The following AP3B1 variants were observed in gnomAD, a reference collection of about 807,000 sequenced individuals.
The protein encoded by AP3B1 is AP-3 complex subunit beta-1.
A neutral mutation model predicts 132.5 loss-of-function variants in AP3B1; 61 were observed. That is an observed-to-expected ratio of 0.46 (90% CI 0.37 to 0.57). The LOEUF is 0.57. Ranked by LOEUF, AP3B1 falls within the 20% of genes least tolerant of loss-of-function variation. The probability of loss-of-function intolerance (pLI) is 0.00; values close to 1 mark genes in which losing one functional copy is unlikely to be tolerated. For synonymous variants in AP3B1, 388 were observed against 438.3 expected (o/e 0.89, Z 1.43); for missense variants, 1,120 against 1,289.4 (o/e 0.87, Z 2.01).
rs139845380 is a variant in AP3B1, at chr5:78,077,525, C to T, written c.2577+11868G>A. On this transcript the variant is annotated intron_variant, in intron 22 of 26. Coordinates refer to ENST00000255194, the MANE Select transcript of AP3B1 (RefSeq NM_003664.5). ...TGGAAAACAAGTTAAGGAATCATTA[C>T]TACAATTTTCCCATGACAGTGCGTC... Among the ~76,000 whole-genome samples the T allele has an allele frequency of 1.2e-3, 180 of 152,308 alleles. 1 individual carries two copies. Among genetic ancestry groups the T allele is most frequent in the African/African-American group, 4.1e-3 (172 of 41,556 alleles).
chr5:78,053,780 C>G (rs1748692402), intron 22 of AP3B1, among the ~76,000 whole-genome samples: 1 of 151,914 alleles, frequency 6.6e-6, no homozygotes, highest in South Asian at 2.1e-4. Flanking sequence ...ACTTCTCTTG[C>G]TTATACTATA....
At chr5:78,144,990 T>C (rs1344662832) in intron 14 of AP3B1, among the ~76,000 whole-genome samples, 3 of 152,116 alleles carry the variant, frequency 2.0e-5, no homozygotes, top group Non-Finnish European at 4.4e-5. Context: ...TGAGCCACCA[T>C]GCCAGCTGAT....
Position 78,057,662 on chromosome 5 carries a change from CACTT to C in AP3B1, c.2578-18392_2578-18389del, listed in dbSNP as rs200267798. Among the ~76,000 whole-genome samples, 1,183 of 151,316 alleles carry C rather than the reference CACTT, an allele frequency of 7.8e-3. 14 individuals are homozygous for C. Among genetic ancestry groups the C allele is most frequent in the African/African-American group, 0.027 (1,111 of 41,474 alleles). ...TTTTGCCAATCTTGCACACAGAACT[CACTT>C]GTTTATTCTATGATTTACTTAAATC... is the stretch of plus-strand genomic sequence containing the variant. On this transcript the variant is annotated intron_variant, in intron 22 of 26. Transcript: ENST00000255194.
At chr5:78,123,432 T>G (rs1243088242) in intron 17 of AP3B1, among the ~76,000 whole-genome samples, 4 of 151,938 alleles carry the variant, frequency 2.6e-5, no homozygotes. Flanking sequence ...GGGAGAAAAT[T>G]TTTGCAACCT....
intron 22 of AP3B1, among the ~76,000 whole-genome samples, chr5:78,072,704 GAT>G (rs1375729933): frequency 1.5e-5 from 2 of 132,338 alleles, no homozygotes; most frequent in Admixed American, 8.1e-5. Context: ...CAATGTGTCT[GAT>G]ATATTCTTTT....
intron 11 of AP3B1, among the ~76,000 whole-genome samples, chr5:78,167,676 C>G (rs945137146): frequency 6.6e-6 from 1 of 151,656 alleles, no homozygotes; most frequent in African/African-American, 2.4e-5. Flanking sequence ...CCATGGAATA[C>G]TGCTCAGCTA....
At chr5:78,144,521 C>T (rs1753299937) in intron 14 of AP3B1, among the ~76,000 whole-genome samples, 1 of 152,154 alleles carries the variant, frequency 6.6e-6, no homozygotes. Flanking sequence ...TTGTCAAAGG[C>T]AAAATCAGTA....
intron 1 of AP3B1, among the ~76,000 whole-genome samples, chr5:78,284,566 A>G (rs1333170696): frequency 2.0e-5 from 3 of 152,240 alleles, no homozygotes; most frequent in Non-Finnish European, 4.4e-5. Flanking sequence ...GGTAAATGAA[A>G]CAAGCAAATT....
intron 3 of AP3B1, among the ~76,000 whole-genome samples, chr5:78,237,213 G>A (rs1211630932): frequency 6.6e-6 from 1 of 152,142 alleles, no homozygotes; most frequent in African/African-American, 2.4e-5. Flanking sequence ...AAAAAATTAA[G>A]AGCTGGGCAC....
intron 22 of AP3B1, among the ~76,000 whole-genome samples, chr5:78,053,475 T>C (rs938928398): frequency 6.6e-6 from 1 of 151,364 alleles, no homozygotes; most frequent in Non-Finnish European, 1.5e-5. Flanking sequence ...AGGTCAGGAG[T>C]TCGAGACCAG....
intron 26 of AP3B1, among the ~76,000 whole-genome samples, chr5:78,006,828 T>G (rs1580230184): frequency 6.6e-6 from 1 of 152,202 alleles, no homozygotes; most frequent in East Asian, 1.9e-4. Flanking sequence ...ATATCTGTAT[T>G]TCATCTTATT....
At chr5:78,262,355 A>G (rs1440713827) in intron 2 of AP3B1, among the ~76,000 whole-genome samples, 1 of 152,106 alleles carries the variant, frequency 6.6e-6, no homozygotes, top group Non-Finnish European at 1.5e-5. Context: ...TTATAGTTTT[A>G]GCTCTTACAT....
At chr5:78,258,076 A>G (rs1747923112) in intron 2 of AP3B1, among the ~76,000 whole-genome samples, 1 of 152,228 alleles carries the variant, frequency 6.6e-6, no homozygotes, top group South Asian at 2.1e-4. Flanking sequence ...AACATTGGGG[A>G]AAATCTCCAG....
intron 22 of AP3B1, among the ~76,000 whole-genome samples, chr5:78,084,148 G>GA (rs550432260): frequency 6.6e-6 from 1 of 151,516 alleles, no homozygotes; most frequent in Non-Finnish European, 1.5e-5. Context: ...TTTCATAGTT[G>GA]AAAAAAAACC....
At chr5:78,245,067 C>T (rs983172779) in intron 2 of AP3B1, among the ~76,000 whole-genome samples, 3 of 151,772 alleles carry the variant, frequency 2.0e-5, no homozygotes, top group African/African-American at 2.4e-5. Flanking sequence ...ACCCAAAGTC[C>T]GGTGGCAACA....
intron 1 of AP3B1, among the ~76,000 whole-genome samples, chr5:78,277,864 T>C (rs1012490938): frequency 3.9e-5 from 6 of 152,374 alleles, no homozygotes; most frequent in South Asian, 4.1e-4. Context: ...ATATCTTCCA[T>C]GTCTTCATAT....
chr5:78,091,825 A>G (rs967924579), intron 21 of AP3B1, among the ~76,000 whole-genome samples: 4 of 152,248 alleles, frequency 2.6e-5, no homozygotes, highest in Admixed American at 2.0e-4. Flanking sequence ...TACAATGCAC[A>G]GACTGAAGGC....
At chr5:78,272,732 C>T (rs142340453) in intron 1 of AP3B1, among the ~76,000 whole-genome samples, 40 of 152,108 alleles carry the variant, frequency 2.6e-4, no homozygotes, top group African/African-American at 8.9e-4. Context: ...GACATCTGAA[C>T]AAAGATTTTC....
chr5:78,294,595 G>T lies in AP3B1; in HGVS notation c.-16C>A. On this transcript the variant is annotated 5_prime_UTR_variant, in exon 1 of 27. Transcript: ENST00000255194. ...TGCTGGACATTGCCGCGGTGCTGGC[G>T]GGTGCGGGGTTGGTCCTGCCGGGGG... 1.2e-6 allele frequency: 2 copies of T among 1,613,894 alleles called. No individual in the cohort carries two copies. Among genetic ancestry groups the T allele is most frequent in the Non-Finnish European group, 1.7e-6 (2 of 1,180,028 alleles).
Sources: gnomAD v4.1 joint callset for allele counts (sites outside exome capture counted in the v4.1 genomes callset) on GRCh38, gnomAD v4.1.1 for gene constraint, MANE v1.5 for transcripts, NCBI Gene and HGNC (gene_info 2026-07-23, HGNC 2026-07-21) for gene names.